Variants in SORCS3 observed in about 807,000 individuals in gnomAD.
SORCS3 encodes the protein sortilin related VPS10 domain containing receptor 3, also known as VPS10 domain-containing receptor SorCS3.
Under a neutral mutation model 146.3 loss-of-function variants are expected in SORCS3, and 57 were observed. The ratio of observed to expected loss-of-function variants is 0.39; its 90% CI spans 0.31 to 0.49. The LOEUF is 0.49. SORCS3 is among the 20% of genes least tolerant of loss of function. SORCS3 has a pLI of 0.92. For synonymous variants in SORCS3, 653 were observed against 618.5 expected (o/e 1.06, Z -0.83); for missense variants, 1,341 against 1,575.5 (o/e 0.85, Z 2.52).
chr10:105,085,538 A>ATT (rs1199213964), intron 5 of SORCS3, among the ~76,000 whole-genome samples: 6 of 152,192 alleles, frequency 3.9e-5, no homozygotes, highest in Admixed American at 1.3e-4. Context: ...AAGAAAGATA[A>ATT]TTAGGGTCTC....
intron 1 of SORCS3, among the ~76,000 whole-genome samples, chr10:104,816,929 G>C (rs1283332433): frequency 6.6e-6 from 1 of 152,166 alleles, no homozygotes; most frequent in Non-Finnish European, 1.5e-5. Flanking sequence ...ACAGCTGCTA[G>C]AGTTTGGAGG....
At chr10:104,842,651 C>T (rs1378258245) in intron 1 of SORCS3, 141 bp from the exon 2 acceptor site, 2 of 603,424 alleles carry the variant, frequency 3.3e-6, no homozygotes, top group Non-Finnish European at 5.8e-6. Context: ...TCCTATAATA[C>T]CCCGCAACTC....
chr10:104,696,979 T>C (rs1000455227), intron 1 of SORCS3, among the ~76,000 whole-genome samples: 1 of 150,276 alleles, frequency 6.7e-6, no homozygotes, highest in African/African-American at 2.4e-5. Context: ...GTGGAGGATA[T>C]GGCGATACGT....
At chr10:104,919,967 T>C (rs1428921894) in intron 3 of SORCS3, among the ~76,000 whole-genome samples, 1 of 152,234 alleles carries the variant, frequency 6.6e-6, no homozygotes, top group East Asian at 1.9e-4. Flanking sequence ...CCTTTATTAG[T>C]CTAGAGCTCT....
At position 104,680,669 on chromosome 10, in the gene SORCS3, G is replaced by A. The variant is rs141537927; in HGVS notation, c.627+38715G>A. Among the ~76,000 whole-genome samples the A allele has an allele frequency of 2.8e-3, 431 of 152,352 alleles. 2 individuals are homozygous for A. Among genetic ancestry groups the A allele is most frequent in the African/African-American group, 9.4e-3 (391 of 41,576 alleles). Reference sequence around the variant, plus strand: ...GGCTAAACTAGTAACTGCACGTGAGGGGCACAGACCAGTGTCTGGCACACT... The same window carrying A: ...GGCTAAACTAGTAACTGCACGTGAGAGGCACAGACCAGTGTCTGGCACACT... On this transcript the variant is annotated intron_variant, in intron 1 of 26. Transcript: ENST00000369701.
At chr10:104,824,958 C>T (rs1245352950) in intron 1 of SORCS3, among the ~76,000 whole-genome samples, 1 of 152,192 alleles carries the variant, frequency 6.6e-6, no homozygotes, top group Non-Finnish European at 1.5e-5. Context: ...ACACACCAGG[C>T]AAAATGAACT....
intron 4 of SORCS3, among the ~76,000 whole-genome samples, chr10:104,977,730 C>CTTTTTTTTTTTTTTT (rs796233007): frequency 8.1e-6 from 1 of 122,914 alleles, no homozygotes; most frequent in African/African-American, 3.0e-5. Context: ...CTTTTCTTTT[C>CTTTTTTTTTTTTTTT]TTTTTTTTTT....
chr10:104,892,007 G>C (rs1030610298), intron 2 of SORCS3, among the ~76,000 whole-genome samples: 1 of 152,184 alleles, frequency 6.6e-6, no homozygotes, highest in Non-Finnish European at 1.5e-5. Context: ...TCTCTAAATA[G>C]GTTTGTGACC....
intron 3 of SORCS3, among the ~76,000 whole-genome samples, chr10:104,955,345 A>G (rs2019477685): frequency 6.6e-6 from 1 of 151,162 alleles, no homozygotes; most frequent in Non-Finnish European, 1.5e-5. Flanking sequence ...TGTAGCATGT[A>G]TCACTACTTC....
intron 4 of SORCS3, among the ~76,000 whole-genome samples, chr10:104,984,089 G>T (rs544954239): frequency 1.8e-3 from 272 of 152,162 alleles, no homozygotes; most frequent in African/African-American, 6.4e-3. Flanking sequence ...CTCCGTCAAG[G>T]TCATTTTTTA....
rs568927821 is a variant in SORCS3, at chr10:105,263,166, G to A, written c.3605-144G>A. On this transcript the variant is annotated intron_variant, in intron 26 of 26. Transcript: ENST00000369701. ...GATGACATAAGTCAGTGAGCTGATA[G>A]GTAACGATATCCGGGTGCCTTTTAA... is the stretch of plus-strand genomic sequence containing the variant. The A allele has an allele frequency of 1.2e-4, 80 of 665,428 alleles. No homozygotes were observed. In the African/African-American group the frequency reaches 1.3e-3, roughly 11 times the overall value. The allele number at this position is 665,428 out of a possible 1,614,324, so 41.2% of individuals were successfully genotyped here.
intron 7 of SORCS3, among the ~76,000 whole-genome samples, chr10:105,110,197 A>G (rs1382625419): frequency 6.8e-6 from 1 of 148,102 alleles, no homozygotes; most frequent in Non-Finnish European, 1.5e-5. Flanking sequence ...TTCTTTTCTG[A>G]GCTTTGCCAG....
chr10:105,093,299 A>G (rs976251975), intron 6 of SORCS3, among the ~76,000 whole-genome samples: 3 of 152,206 alleles, frequency 2.0e-5, no homozygotes, highest in African/African-American at 7.2e-5. Flanking sequence ...TAAATATAAA[A>G]CATAGATTTA....
At chr10:105,065,323 T>C (rs1017271528) in intron 5 of SORCS3, among the ~76,000 whole-genome samples, 2 of 152,102 alleles carry the variant, frequency 1.3e-5, no homozygotes, top group African/African-American at 4.8e-5. Flanking sequence ...TATGATGAGA[T>C]AAGTGCACAG....
chr10:104,704,001 A>G (rs1352603240), intron 1 of SORCS3, among the ~76,000 whole-genome samples: 1 of 152,148 alleles, frequency 6.6e-6, no homozygotes, highest in African/African-American at 2.4e-5. Context: ...CTAATCTGTC[A>G]CCTACTTCAG....
chr10:105,069,270 T>C (rs2055542352), intron 5 of SORCS3, among the ~76,000 whole-genome samples: 1 of 152,242 alleles, frequency 6.6e-6, no homozygotes, highest in African/African-American at 2.4e-5. Flanking sequence ...AATGCAATTC[T>C]AGGCAAATCC....
chr10:105,150,237 G>A (rs1359426115), intron 9 of SORCS3, among the ~76,000 whole-genome samples: 1 of 152,132 alleles, frequency 6.6e-6, no homozygotes, highest in Non-Finnish European at 1.5e-5. Flanking sequence ...ATCAAACACA[G>A]CTTTATTGCT....
intron 1 of SORCS3, among the ~76,000 whole-genome samples, chr10:104,761,770 G>A (rs1214503302): frequency 6.6e-6 from 1 of 152,110 alleles, no homozygotes; most frequent in Non-Finnish European, 1.5e-5. Flanking sequence ...CTGGTCTGGG[G>A]TACCTCTTAG....
At chr10:105,260,311 C>T (rs1000385582) in intron 25 of SORCS3, among the ~76,000 whole-genome samples, 11 of 152,176 alleles carry the variant, frequency 7.2e-5, no homozygotes, top group East Asian at 3.9e-4. Flanking sequence ...ATAAATATTA[C>T]GGTTGATCCC....
Sources: gnomAD v4.1 joint callset for allele counts (sites outside exome capture counted in the v4.1 genomes callset) on GRCh38, gnomAD v4.1.1 for gene constraint, MANE v1.5 for transcripts, NCBI Gene and HGNC (gene_info 2026-07-23, HGNC 2026-07-21) for gene names.